TM9SF2: variants seen among roughly 807,000 people sequenced by gnomAD.
TM9SF2 encodes transmembrane 9 superfamily member 2.
Under a neutral mutation model 84.9 loss-of-function variants are expected in TM9SF2, and 13 were observed. The ratio of observed to expected loss-of-function variants is 0.15; its 90% CI spans 0.10 to 0.24. TM9SF2 has a LOEUF of 0.24. Ranked by LOEUF, TM9SF2 falls within the 10% of genes least tolerant of loss-of-function variation. The probability of loss-of-function intolerance (pLI) is 1.00; values close to 1 mark genes in which losing one functional copy is unlikely to be tolerated. For synonymous variants in TM9SF2, 273 were observed against 285.8 expected, an observed-to-expected ratio of 0.96 and a Z score of 0.45; for missense variants, 562 against 818.5, an observed-to-expected ratio of 0.69 and a Z score of 3.82.
intron 10 of TM9SF2, 122 bp downstream of exon 10, chr13:99,544,117 C>T: frequency 9.3e-7 from 1 of 1,071,394 alleles, no homozygotes; most frequent in Non-Finnish European, 1.3e-6. Flanking sequence ...TTTGGGAGGC[C>T]AAGGCGGGTG....
chr13:99,553,280 G>A (rs1009850214), intron 13 of TM9SF2, among the ~76,000 whole-genome samples: 9 of 152,250 alleles, frequency 5.9e-5, no homozygotes, highest in African/African-American at 2.2e-4. Flanking sequence ...GAAGGCCCTG[G>A]CAGAAGCTGG....
At chr13:99,557,170 A>G (rs2046328058) in intron 15 of TM9SF2, among the ~76,000 whole-genome samples, 1 of 152,160 alleles carries the variant, frequency 6.6e-6, no homozygotes, top group Non-Finnish European at 1.5e-5. Context: ...AAAGGTTCCA[A>G]TTCTCCGTAT....
intron 3 of TM9SF2, among the ~76,000 whole-genome samples, chr13:99,525,448 G>T (rs1192025191): frequency 6.6e-6 from 1 of 151,754 alleles, no homozygotes; most frequent in East Asian, 1.9e-4. Flanking sequence ...TGCCATGTTG[G>T]CCAGGCTGGT....
intron 1 of TM9SF2, among the ~76,000 whole-genome samples, chr13:99,506,769 A>C (rs2068833862): frequency 6.6e-6 from 1 of 152,210 alleles, no homozygotes; most frequent in East Asian, 1.9e-4. Context: ...ACAAACACAC[A>C]GACACACATC....
chr13:99,511,083 T>C (rs2046111751), intron 1 of TM9SF2, among the ~76,000 whole-genome samples: 1 of 152,244 alleles, frequency 6.6e-6, no homozygotes, highest in African/African-American at 2.4e-5. Flanking sequence ...TTTAAATCTT[T>C]CTTATTGTTT....
At chr13:99,555,279 G>A (rs1465215076) in intron 14 of TM9SF2, among the ~76,000 whole-genome samples, 1 of 152,128 alleles carries the variant, frequency 6.6e-6, no homozygotes, top group Non-Finnish European at 1.5e-5. Context: ...CAGGAGACGA[G>A]TAGTCTAGCC....
At chr13:99,552,001 A>G (rs181758588) in intron 12 of TM9SF2, among the ~76,000 whole-genome samples, 166 bp from the exon 13 acceptor site, 113 of 152,358 alleles carry the variant, frequency 7.4e-4, no homozygotes, top group African/African-American at 2.5e-3. Context: ...CTGAAGAGCA[A>G]TTGGGTAGTT....
chr13:99,513,283 G>A (rs1464312331), intron 1 of TM9SF2, among the ~76,000 whole-genome samples: 6 of 152,186 alleles, frequency 3.9e-5, no homozygotes, highest in Admixed American at 3.9e-4. Context: ...TATGAGAATA[G>A]GGCAAGGTCC....
chr13:99,536,305 T>G (rs1160660613), intron 4 of TM9SF2, among the ~76,000 whole-genome samples: 1 of 151,638 alleles, frequency 6.6e-6, no homozygotes, highest in Non-Finnish European at 1.5e-5. Flanking sequence ...TTTTGTTTTT[T>G]TTTTTTTCTT....
Position 99,546,189 on chromosome 13 carries a change from C to G in TM9SF2, c.1151-796C>G, listed in dbSNP as rs2046281773. ...GTGCTTGCTCACATACGTGCTTGGT[C>G]ATGCACGTTTTAGGGGAAACAATAG... On this transcript the variant is annotated intron_variant, in intron 10 of 16. Coordinates refer to ENST00000376387, the MANE Select transcript of TM9SF2 (RefSeq NM_004800.3). Among the ~76,000 whole-genome samples, 2 of 152,116 alleles carry G rather than the reference C, an allele frequency of 1.3e-5. 1 individual carries two copies. The highest frequency in any genetic ancestry group is 4.1e-4 in the South Asian group (2 of 4,828).
chr13:99,524,844 G>T (rs1224427711), intron 3 of TM9SF2, among the ~76,000 whole-genome samples: 1 of 151,872 alleles, frequency 6.6e-6, no homozygotes, highest in Non-Finnish European at 1.5e-5. Flanking sequence ...AATTACAGGC[G>T]TGAGGCTCAG....
At chr13:99,545,767 A>G (rs556577985) in intron 10 of TM9SF2, among the ~76,000 whole-genome samples, 5 of 152,138 alleles carry the variant, frequency 3.3e-5, no homozygotes, top group South Asian at 2.1e-4. Context: ...CGGTTTCACC[A>G]TGTTGTCCAG....
chr13:99,509,066 G>T (rs1049111724), intron 1 of TM9SF2, among the ~76,000 whole-genome samples: 2 of 152,136 alleles, frequency 1.3e-5, no homozygotes, highest in Non-Finnish European at 2.9e-5. Context: ...TTCTACCTAT[G>T]AGCCTGTAAA....
At position 99,555,563 on chromosome 13, in the gene TM9SF2, CT is replaced by C. The variant is rs762318264; in HGVS notation, c.1670del (p.Phe557SerfsTer48). On this transcript the variant is annotated frameshift_variant, in exon 15 of 17. Coordinates refer to ENST00000376387, the MANE Select transcript of TM9SF2 (RefSeq NM_004800.3). LOFTEE classifies it high-confidence loss of function. The stretch of plus-strand genomic sequence containing the variant: ...CACACCAGATGTATTACATGTTTGG[CT>C]TCCTATTTCTGGTGTTTATCATTTT... The part of the protein sequence containing the change: ...WSHQMYYMFG[F>X]LFLVFIILVI... The C allele has an allele frequency of 6.2e-7, 1 of 1,613,810 alleles. No homozygotes were observed. The highest frequency in any genetic ancestry group is 8.5e-7 in the Non-Finnish European group (1 of 1,179,794).
intron 3 of TM9SF2, among the ~76,000 whole-genome samples, chr13:99,527,320 A>C (rs1354140396): frequency 6.6e-6 from 1 of 152,186 alleles, no homozygotes; most frequent in Non-Finnish European, 1.5e-5. Flanking sequence ...AAAGTGGTTT[A>C]ATTGACTCAC....
intron 10 of TM9SF2, among the ~76,000 whole-genome samples, chr13:99,545,463 TA>T (rs2046278661): frequency 6.6e-6 from 1 of 152,216 alleles, no homozygotes; most frequent in Admixed American, 6.5e-5. Context: ...AAAGGTGTCA[TA>T]AAAAAGGTTT....
chr13:99,530,080 CAA>C (rs36003040), intron 4 of TM9SF2, among the ~76,000 whole-genome samples: 22 of 134,082 alleles, frequency 1.6e-4, no homozygotes, highest in Admixed American at 3.0e-4. Context: ...TTATTGCTTA[CAA>C]AAAAAAAAAA....
At chr13:99,545,999 T>C (rs1034445529) in intron 10 of TM9SF2, among the ~76,000 whole-genome samples, 5 of 152,212 alleles carry the variant, frequency 3.3e-5, no homozygotes, top group African/African-American at 1.2e-4. Context: ...GGAATAATTT[T>C]CCTTAAGTCC....
intron 3 of TM9SF2, among the ~76,000 whole-genome samples, chr13:99,522,024 T>G (rs1043998117): frequency 9.9e-5 from 15 of 151,916 alleles, no homozygotes; most frequent in African/African-American, 3.6e-4. Context: ...TTCAAATACT[T>G]TTTTTTTCTT....
Sources: allele counts gnomAD v4.1 joint callset (sites outside exome capture counted in the v4.1 genomes callset), GRCh38; gene constraint gnomAD v4.1.1; transcripts MANE v1.5; gene names NCBI Gene and HGNC (gene_info 2026-07-23, HGNC 2026-07-21).